The following KIF26B variants were observed in gnomAD, a reference collection of about 807,000 sequenced individuals.
KIF26B encodes the protein kinesin-like protein KIF26B.
In KIF26B, 63 loss-of-function variants were observed where a neutral mutation model predicts 151.2. That is an observed-to-expected ratio of 0.42 (90% CI 0.34 to 0.51). The LOEUF (loss-of-function observed/expected upper bound fraction) is 0.51, where lower values mean the gene tolerates loss of function less well. Among genes scored for constraint, KIF26B ranks in the 20% least tolerant of loss-of-function variants. The probability of loss-of-function intolerance (pLI) is 0.07; values close to 1 mark genes in which losing one functional copy is unlikely to be tolerated. For synonymous variants in KIF26B, 1,357 were observed against 1,262.1 expected (o/e 1.08, Z -1.59); for missense variants, 2,813 against 2,913.6 (o/e 0.97, Z 0.79).
chr1:245,215,255 C>T (rs1489000481), intron 2 of KIF26B, among the ~76,000 whole-genome samples: 2 of 152,104 alleles, frequency 1.3e-5, no homozygotes, highest in African/African-American at 2.4e-5. Context: ...TCTCAGGGCC[C>T]GGCTCCTTGG....
At chr1:245,511,185 T>C (rs1232881389) in intron 4 of KIF26B, 10 of 684,956 alleles carry the variant, frequency 1.5e-5, no homozygotes, top group Non-Finnish European at 1.9e-5. Context: ...TCTTGCTATT[T>C]TTTTTTTACT....
At chr1:245,441,672 G>C (rs1020720784) in intron 4 of KIF26B, among the ~76,000 whole-genome samples, 2 of 152,258 alleles carry the variant, frequency 1.3e-5, no homozygotes, top group Admixed American at 6.5e-5. Flanking sequence ...GATAATCAAG[G>C]CTAACAATCC....
rs1299935981 is a variant in KIF26B at position 245,572,089 on chromosome 1, C to G, written c.1351-30488C>G. Among the ~76,000 whole-genome samples the G allele has an allele frequency of 5.3e-5, 8 of 152,128 alleles. No individual in the cohort carries two copies. Among genetic ancestry groups the G allele is most frequent in the Non-Finnish European group, 7.3e-5 (5 of 68,030 alleles). On this transcript the variant is annotated intron_variant, in intron 5 of 14. Coordinates refer to ENST00000407071, the MANE Select transcript of KIF26B (RefSeq NM_018012.4). This position sits in a 1 kb window ranked among gnomAD's most constrained non-coding sequence, Gnocchi z 4.2. Reference sequence around the variant, plus strand: ...AAGTGTGGCAACTGTGCACAGAGTCCAGATCTCACGACCTCGCTTTGCAAA... The same window carrying G: ...AAGTGTGGCAACTGTGCACAGAGTCGAGATCTCACGACCTCGCTTTGCAAA...
At chr1:245,329,607 A>T (rs1232316363) in intron 2 of KIF26B, among the ~76,000 whole-genome samples, 3 of 152,104 alleles carry the variant, frequency 2.0e-5, no homozygotes, top group African/African-American at 7.2e-5. Flanking sequence ...GGCCGCCATG[A>T]CACCCCTCAT....
intron 2 of KIF26B, among the ~76,000 whole-genome samples, chr1:245,332,225 A>G (rs1010036962): frequency 6.6e-6 from 1 of 152,302 alleles, no homozygotes; most frequent in Admixed American, 6.5e-5. Context: ...GTCTTCTAAG[A>G]CCATTTGTGT....
At chr1:245,324,163 G>GCC (rs1671941443) in intron 2 of KIF26B, among the ~76,000 whole-genome samples, 1 of 148,876 alleles carries the variant, frequency 6.7e-6, no homozygotes, top group African/African-American at 2.5e-5. Flanking sequence ...GGTGGACCCT[G>GCC]ATGTGGGTGA....
At chr1:245,247,557 C>T (rs1269790588) in intron 2 of KIF26B, among the ~76,000 whole-genome samples, 1 of 152,202 alleles carries the variant, frequency 6.6e-6, no homozygotes, top group Non-Finnish European at 1.5e-5. Flanking sequence ...TGACATTCTG[C>T]CCGAGAAGCA....
At chr1:245,450,085 G>A (rs1659351765) in intron 4 of KIF26B, among the ~76,000 whole-genome samples, 1 of 152,180 alleles carries the variant, frequency 6.6e-6, no homozygotes, top group Non-Finnish European at 1.5e-5. Context: ...TACAATTGGT[G>A]TGTATCTGGG....
chr1:245,208,166 G>A (rs906355838), intron 2 of KIF26B, among the ~76,000 whole-genome samples: 2 of 152,184 alleles, frequency 1.3e-5, no homozygotes, highest in Non-Finnish European at 2.9e-5. Flanking sequence ...TGAAACCAAA[G>A]CGATAGGCTG....
At chr1:245,235,065 C>T (rs894359413) in intron 2 of KIF26B, among the ~76,000 whole-genome samples, 1 of 152,218 alleles carries the variant, frequency 6.6e-6, no homozygotes, top group Non-Finnish European at 1.5e-5. Context: ...GCCTCCTCCT[C>T]TGTCCCTACT....
chr1:245,685,286 CG>C (rs2044495009), intron 11 of KIF26B, 118 bp from the exon 12 acceptor site: 4 of 841,518 alleles, frequency 4.8e-6, no homozygotes, highest in Non-Finnish European at 7.3e-6. Flanking sequence ...GGGAGGCCAA[CG>C]GGGGTGGCTG....
intron 2 of KIF26B, among the ~76,000 whole-genome samples, chr1:245,280,387 A>C (rs1219853803): frequency 2.7e-5 from 4 of 148,708 alleles, no homozygotes; most frequent in Non-Finnish European, 6.0e-5. Context: ...AAAAATTAGC[A>C]GGGCATAGTG....
intron 2 of KIF26B, among the ~76,000 whole-genome samples, chr1:245,162,477 C>T (rs1489360754): frequency 1.4e-5 from 2 of 143,786 alleles, no homozygotes; most frequent in African/African-American, 5.1e-5. Context: ...CCTCTGCCTC[C>T]TGGATTCAAG....
rs2044506701 is a variant in KIF26B, at chr1:245,685,863, C to T, written c.2880C>T (p.Ser960=). ...CTCAGTTTGGGCCAGAGCAGGCAAG[C>T]AGAGGCCCCCGGTTAAGCCAAGCAG... The part of the protein sequence containing the change: ...LPAQFGPEQA[S]RGPRLSQAAG... The change falls in exon 12 of 15, where the codon AGC becomes AGT. Residue 960 remains serine, a synonymous_variant. Transcript: ENST00000407071. The T allele has an allele frequency of 6.2e-7, 1 of 1,612,826 alleles. No homozygotes were observed. The highest frequency in any genetic ancestry group is 8.5e-7 in the Non-Finnish European group (1 of 1,179,782).
intron 10 of KIF26B, among the ~76,000 whole-genome samples, chr1:245,678,729 GGT>G: frequency 6.6e-6 from 1 of 152,156 alleles, no homozygotes; most frequent in South Asian, 2.1e-4. Flanking sequence ...TGGGCGTGGT[GGT>G]GCATGCCTGT....
chr1:245,600,834 C>T (rs906547734), intron 5 of KIF26B, among the ~76,000 whole-genome samples: 1 of 152,090 alleles, frequency 6.6e-6, no homozygotes, highest in Non-Finnish European at 1.5e-5. Context: ...CATTGTTATT[C>T]CTACTGTACA....
At chr1:245,658,115 C>T (rs924899464) in intron 10 of KIF26B, among the ~76,000 whole-genome samples, 4 of 152,164 alleles carry the variant, frequency 2.6e-5, no homozygotes, top group African/African-American at 4.8e-5. Flanking sequence ...TGCTGTTGAA[C>T]GTTACGTAAA....
chr1:245,179,020 C>G (rs1453917652), intron 2 of KIF26B, among the ~76,000 whole-genome samples: 1 of 151,620 alleles, frequency 6.6e-6, no homozygotes, highest in East Asian at 1.9e-4. Flanking sequence ...AAGCTGTATA[C>G]AAATGTTCAT....
At chr1:245,582,142 C>T (rs1468498843) in intron 5 of KIF26B, among the ~76,000 whole-genome samples, 7 of 152,126 alleles carry the variant, frequency 4.6e-5, no homozygotes, top group African/African-American at 9.7e-5. Flanking sequence ...CCAGGGAGCC[C>T]GATGCTGAAC....
Sources: gnomAD v4.1 joint callset for allele counts (sites outside exome capture counted in the v4.1 genomes callset) on GRCh38, gnomAD v4.1.1 for gene constraint, Gnocchi (gnomAD v3.1) non-coding constraint, MANE v1.5 for transcripts, NCBI Gene and HGNC (gene_info 2026-07-23, HGNC 2026-07-21) for gene names.